The following CRYBG1 variants were observed in gnomAD, a reference collection of about 807,000 sequenced individuals.
CRYBG1 encodes crystallin beta-gamma domain containing 1.
Under a neutral mutation model 189.2 loss-of-function variants are expected in CRYBG1, and 139 were observed. The observed-to-expected ratio is 0.73, with a 90% CI of 0.64 to 0.85. CRYBG1 has a LOEUF of 0.85. Ranked by LOEUF, CRYBG1 falls within the 40% of genes least tolerant of loss-of-function variation. CRYBG1 has a pLI of 0.00. For synonymous variants in CRYBG1, 1,023 were observed against 1,017.1 expected, an observed-to-expected ratio of 1.01 and a Z score of -0.11; for missense variants, 2,611 against 2,675.8, an observed-to-expected ratio of 0.98 and a Z score of 0.53.
intron 2 of CRYBG1, among the ~76,000 whole-genome samples, chr6:106,467,534 A>G (rs1013716496): frequency 2.6e-5 from 4 of 152,176 alleles, no homozygotes; most frequent in Non-Finnish European, 5.9e-5. Flanking sequence ...AATTCTTCAT[A>G]AAGGGAACCT....
At chr6:106,491,096 A>G (rs774931397) in intron 2 of CRYBG1, among the ~76,000 whole-genome samples, 80 of 152,352 alleles carry the variant, frequency 5.3e-4, no homozygotes, top group Middle Eastern at 3.4e-3. Context: ...ACCACAAAGC[A>G]TTACCCTTTT....
At chr6:106,526,941 CAAAA>C (rs35768853) in intron 6 of CRYBG1, among the ~76,000 whole-genome samples, 5 of 88,364 alleles carry the variant, frequency 5.7e-5, no homozygotes, top group Non-Finnish European at 4.1e-5. Context: ...ACTCTGTATC[CAAAA>C]AAAAAAAAAA....
chr6:106,533,181 C>G (rs573847436), intron 8 of CRYBG1, among the ~76,000 whole-genome samples: 3 of 152,236 alleles, frequency 2.0e-5, no homozygotes, highest in Non-Finnish European at 2.9e-5. Flanking sequence ...AAGGAGGGAC[C>G]GGCAGGAAGT....
At chr6:106,455,306 A>G (rs6914423) in intron 2 of CRYBG1, among the ~76,000 whole-genome samples, 22,460 of 152,108 alleles carry the variant, frequency 0.15, 1,693 homozygotes, top group Middle Eastern at 0.19. Context: ...CTCTTTGCAT[A>G]TAAGAGTGAA....
chr6:106,361,574 T>G (rs1336730251), intron 1 of CRYBG1, among the ~76,000 whole-genome samples: 1 of 152,166 alleles, frequency 6.6e-6, no homozygotes, highest in East Asian at 1.9e-4. Context: ...GTGGCAGGAA[T>G]GGTTACCCCC....
chr6:106,457,721 C>A (rs1446053041), intron 2 of CRYBG1, among the ~76,000 whole-genome samples: 2 of 152,146 alleles, frequency 1.3e-5, no homozygotes, highest in African/African-American at 2.4e-5. Flanking sequence ...TTTCACACCA[C>A]CCCACTCTGG....
chr6:106,368,482 G>A (rs1769947493), intron 1 of CRYBG1, among the ~76,000 whole-genome samples: 1 of 152,128 alleles, frequency 6.6e-6, no homozygotes, highest in Non-Finnish European at 1.5e-5. Flanking sequence ...CAAGATACAG[G>A]ATGTATGACT....
At chr6:106,419,985 C>A (rs554333831) in intron 1 of CRYBG1, among the ~76,000 whole-genome samples, 2 of 152,276 alleles carry the variant, frequency 1.3e-5, no homozygotes, top group South Asian at 4.1e-4. Context: ...GTGGGTCTTC[C>A]TGAATCTAGC....
Position 106,511,412 on chromosome 6 carries a change from A to T in CRYBG1, c.313-18A>T, listed in dbSNP as rs1453220270. On this transcript the variant is annotated intron_variant, in intron 2 of 21. Coordinates refer to ENST00000633556, the MANE Select transcript of CRYBG1 (RefSeq NM_001371242.2). ...CCAGATTCTCATATGTTCCCTCCTC[A>T]TCCCTTTTATTTTTCAGTCCAGAGC... 1 of 1,525,850 alleles carries T rather than the reference A, an allele frequency of 6.6e-7. No individual in the cohort carries two copies. The highest frequency in any genetic ancestry group is 1.4e-5 in the African/African-American group (1 of 72,706). The allele number at this position is 1,525,850 out of a possible 1,614,324, so 94.5% of individuals were successfully genotyped here.
At chr6:106,397,460 A>T (rs1192615142) in intron 1 of CRYBG1, among the ~76,000 whole-genome samples, 1 of 152,232 alleles carries the variant, frequency 6.6e-6, no homozygotes, top group Non-Finnish European at 1.5e-5. Context: ...TAGAAATTGC[A>T]TCAAATAAGA....
chr6:106,494,459 G>A lies in CRYBG1; in HGVS notation c.313-16971G>A, dbSNP rs553052085. On this transcript the variant is annotated intron_variant, in intron 2 of 21. Transcript: ENST00000633556. ...GCATATTCACCATCAACAATACGCT[G>A]ACATGAGCCAGCAGATGCTTAATAT... 2.2e-4 allele frequency among the ~76,000 whole-genome samples: 34 copies of A among 152,274 alleles called. No homozygotes were observed. The East Asian group carries it at 5.2e-3, about 23-fold the overall frequency.
At position 106,519,846 on chromosome 6, in the gene CRYBG1, G is replaced by C. The variant is rs545314721; in HGVS notation, c.2638G>C (p.Ala880Pro). Residue 880 changes from alanine to proline, a missense_variant, in exon 4 of 22, where the codon GCT (alanine) becomes CCT (proline). Ala to Pro is a conservative substitution (Grantham distance 27). Transcript: ENST00000633556. ...GCCTTCTCTTTCACTGTCTGCACCC[G>C]CTCCTGGGGATGTTCCCAAAGACAC... ...PGPSLSLSAPAPGDVPKDTCV... is the reference protein window; with the variant it reads ...PGPSLSLSAPPPGDVPKDTCV... 17 of 1,614,160 alleles carry C rather than the reference G, an allele frequency of 1.1e-5. No homozygotes were observed. In the African/African-American group the frequency reaches 1.6e-4, roughly 15 times the overall value.
chr6:106,499,269 C>T (rs534662373), intron 2 of CRYBG1, among the ~76,000 whole-genome samples: 289 of 150,692 alleles, frequency 1.9e-3, no homozygotes, highest in Non-Finnish European at 3.5e-3. Context: ...TCTCCTGCCT[C>T]AGCCTCCCAA....
intron 2 of CRYBG1, among the ~76,000 whole-genome samples, chr6:106,463,578 A>G (rs550141880): frequency 2.0e-5 from 3 of 152,232 alleles, no homozygotes; most frequent in Non-Finnish European, 4.4e-5. Context: ...GTGTATAGAT[A>G]TGTGTGTGTA....
chr6:106,510,371 C>T (rs116520805), intron 2 of CRYBG1, among the ~76,000 whole-genome samples: 1 of 152,258 alleles, frequency 6.6e-6, no homozygotes, highest in Non-Finnish European at 1.5e-5. Context: ...AGCGCCACCG[C>T]GCCCATTGGC....
intron 1 of CRYBG1, among the ~76,000 whole-genome samples, chr6:106,447,547 A>AATAT (rs59943398): frequency 0.027 from 3,850 of 140,984 alleles, 67 homozygotes; most frequent in Non-Finnish European, 0.038. Flanking sequence ...GTACCTCATA[A>AATAT]ATATATATAT....
At chr6:106,463,840 A>T (rs1191593160) in intron 2 of CRYBG1, among the ~76,000 whole-genome samples, 1 of 152,220 alleles carries the variant, frequency 6.6e-6, no homozygotes. Context: ...ACTCTTTTAG[A>T]AGCTTTAGTC....
At chr6:106,466,031 T>A (rs148131159) in intron 2 of CRYBG1, among the ~76,000 whole-genome samples, 4 of 152,230 alleles carry the variant, frequency 2.6e-5, no homozygotes, top group Non-Finnish European at 5.9e-5. Flanking sequence ...GATATTCAAG[T>A]TGAAATTACT....
intron 7 of CRYBG1, among the ~76,000 whole-genome samples, chr6:106,529,130 G>A (rs1773818101): frequency 6.6e-6 from 1 of 152,038 alleles, no homozygotes; most frequent in African/African-American, 2.4e-5. Context: ...GTTTTTAGTA[G>A]AGACGGGGTT....
Sources: gnomAD v4.1 joint callset for allele counts (sites outside exome capture counted in the v4.1 genomes callset) on GRCh38, gnomAD v4.1.1 for gene constraint, MANE v1.5 for transcripts, NCBI Gene and HGNC (gene_info 2026-07-23, HGNC 2026-07-21) for gene names.